ADGRB3: variants seen among roughly 807,000 people sequenced by gnomAD.
The protein encoded by ADGRB3 is brain-specific angiogenesis inhibitor 3.
A neutral mutation model predicts 193.4 loss-of-function variants in ADGRB3; 37 were observed. The ratio of observed to expected loss-of-function variants is 0.19; its 90% CI spans 0.15 to 0.25. The LOEUF is 0.25. ADGRB3 is among the 10% of genes least tolerant of loss of function. ADGRB3 has a pLI of 1.00. For missense variants in ADGRB3, 1,637 were observed against 1,852.9 expected (o/e 0.88, Z 2.14); for synonymous variants, 690 against 644.2 (o/e 1.07, Z -1.08).
chr6:68,892,401 GC>G (rs1766104023), intron 3 of ADGRB3, among the ~76,000 whole-genome samples: 1 of 152,126 alleles, frequency 6.6e-6, no homozygotes, highest in Admixed American at 6.6e-5. Flanking sequence ...TCTTGTTCTT[GC>G]TTTTCATCTT....
At chr6:68,954,772 C>T (rs1276749358) in intron 6 of ADGRB3, among the ~76,000 whole-genome samples, 5 of 151,714 alleles carry the variant, frequency 3.3e-5, no homozygotes, top group African/African-American at 4.8e-5. Flanking sequence ...CTCCACCTCC[C>T]GGGTTCACAC....
chr6:68,914,857 A>C (rs958802908), intron 3 of ADGRB3, among the ~76,000 whole-genome samples: 2 of 152,180 alleles, frequency 1.3e-5, no homozygotes, highest in Admixed American at 6.5e-5. Flanking sequence ...ATGTATCTTA[A>C]TATCAATTCA....
At chr6:69,099,312 A>G (rs927230255) in intron 17 of ADGRB3, among the ~76,000 whole-genome samples, 26 of 152,236 alleles carry the variant, frequency 1.7e-4, no homozygotes, top group Admixed American at 1.5e-3. Flanking sequence ...TTGTAAAGTC[A>G]CATTGACTAA....
At chr6:68,762,585 A>G (rs1202683271) in intron 3 of ADGRB3, among the ~76,000 whole-genome samples, 1 of 151,662 alleles carries the variant, frequency 6.6e-6, no homozygotes, top group Non-Finnish European at 1.5e-5. Flanking sequence ...TAATTATTTG[A>G]AAAGGTAAAA....
chr6:69,027,924 C>T (rs928773456), intron 13 of ADGRB3, among the ~76,000 whole-genome samples: 12 of 152,142 alleles, frequency 7.9e-5, no homozygotes, highest in African/African-American at 2.7e-4. Context: ...GGCAGCTATT[C>T]GAATGCCTGT....
intron 20 of ADGRB3, among the ~76,000 whole-genome samples, chr6:69,253,894 G>A (rs1331618576): frequency 2.0e-5 from 3 of 151,978 alleles, no homozygotes; most frequent in African/African-American, 7.2e-5. Flanking sequence ...AAACTCATGA[G>A]CCATTTTTTT....
At chr6:69,327,690 C>T (rs369607820) in intron 21 of ADGRB3, 130 bp from the exon 22 acceptor site, 2 of 582,634 alleles carry the variant, frequency 3.4e-6, no homozygotes, top group Non-Finnish European at 2.8e-6. Context: ...TAGAAACATA[C>T]CTTGTGAAGT....
intron 24 of ADGRB3, among the ~76,000 whole-genome samples, chr6:69,338,303 A>G (rs549602789): frequency 4.6e-5 from 7 of 152,328 alleles, no homozygotes; most frequent in African/African-American, 1.4e-4. Context: ...TCACTCTTTT[A>G]TTATCAACTA....
intron 3 of ADGRB3, among the ~76,000 whole-genome samples, chr6:68,895,410 G>T (rs957438091): frequency 6.6e-6 from 1 of 151,802 alleles, no homozygotes; most frequent in Non-Finnish European, 1.5e-5. Context: ...CATCTTTCTA[G>T]GACTGGGGTT....
At chr6:69,291,285 T>G (rs1258985664) in intron 20 of ADGRB3, among the ~76,000 whole-genome samples, 1 of 152,198 alleles carries the variant, frequency 6.6e-6, no homozygotes, top group Non-Finnish European at 1.5e-5. Flanking sequence ...TACTTGAGCA[T>G]GTACTATATG....
intron 17 of ADGRB3, among the ~76,000 whole-genome samples, chr6:69,178,640 G>A (rs1007111732): frequency 5.3e-5 from 8 of 152,096 alleles, no homozygotes; most frequent in African/African-American, 1.9e-4. Context: ...CATAAGTTTG[G>A]TCTGACAGTA....
At chr6:68,692,766 T>TA (rs1162646678) in intron 3 of ADGRB3, among the ~76,000 whole-genome samples, 2 of 151,360 alleles carry the variant, frequency 1.3e-5, no homozygotes, top group Non-Finnish European at 3.0e-5. Context: ...TCTTCATCTG[T>TA]AAAATTGAAT....
chr6:69,213,614 C>T (rs1765712784), intron 17 of ADGRB3, among the ~76,000 whole-genome samples: 1 of 152,158 alleles, frequency 6.6e-6, no homozygotes, highest in Admixed American at 6.5e-5. Context: ...AGCAAAAGTA[C>T]AGACAGTACA....
At chr6:68,787,184 C>G (rs1206241044) in intron 3 of ADGRB3, among the ~76,000 whole-genome samples, 1 of 152,092 alleles carries the variant, frequency 6.6e-6, no homozygotes, top group Non-Finnish European at 1.5e-5. Flanking sequence ...GAACTTCCAA[C>G]ACTATGTTGA....
intron 3 of ADGRB3, among the ~76,000 whole-genome samples, chr6:68,836,686 C>T (rs1348777837): frequency 6.6e-6 from 1 of 152,072 alleles, no homozygotes; most frequent in Non-Finnish European, 1.5e-5. Flanking sequence ...TGCCATATAT[C>T]TTACTTAGAA....
chr6:68,753,198 A>G lies in ADGRB3; in HGVS notation c.757+113766A>G, dbSNP rs147835977. On this transcript the variant is annotated intron_variant, in intron 3 of 31. Coordinates refer to ENST00000370598, the MANE Select transcript of ADGRB3 (RefSeq NM_001704.3). ...ACAGAATTCATACACAAGAATATCA[A>G]TGAATCTGTAATACTTAACTTGCCA... Among the ~76,000 whole-genome samples, 141 of 152,338 alleles carry G rather than the reference A, an allele frequency of 9.3e-4. 1 individual carries two copies. The highest frequency in any genetic ancestry group is 3.1e-3 in the African/African-American group (130 of 41,584).
intron 3 of ADGRB3, among the ~76,000 whole-genome samples, chr6:68,684,252 T>C (rs900039666): frequency 2.0e-5 from 3 of 152,286 alleles, no homozygotes; most frequent in Non-Finnish European, 4.4e-5. Flanking sequence ...ATCTACTTGG[T>C]TTATCTACCT....
intron 3 of ADGRB3, among the ~76,000 whole-genome samples, chr6:68,816,130 A>T (rs976060052): frequency 6.6e-6 from 1 of 152,040 alleles, no homozygotes; most frequent in Non-Finnish European, 1.5e-5. Context: ...AAAGGGAAAT[A>T]ATATTATTTT....
At chr6:69,237,705 A>G (rs1024796957) in intron 19 of ADGRB3, among the ~76,000 whole-genome samples, 7 of 152,070 alleles carry the variant, frequency 4.6e-5, no homozygotes, top group Admixed American at 1.3e-4. Flanking sequence ...CCTTTTCATA[A>G]TGTCATCTGT....
Sources: allele counts gnomAD v4.1 joint callset (sites outside exome capture counted in the v4.1 genomes callset), GRCh38; gene constraint gnomAD v4.1.1; transcripts MANE v1.5; gene names NCBI Gene and HGNC (gene_info 2026-07-23, HGNC 2026-07-21).